The following CNTNAP2 variants were observed in gnomAD, a reference collection of about 807,000 sequenced individuals.
CNTNAP2 encodes contactin associated protein 2, also known as contactin-associated protein-like 2.
Under a neutral mutation model 155.2 loss-of-function variants are expected in CNTNAP2, and 98 were observed. That is an observed-to-expected ratio of 0.63 (90% CI 0.54 to 0.75). CNTNAP2 has a LOEUF of 0.75. CNTNAP2 is among the 30% of genes least tolerant of loss of function. The probability of loss-of-function intolerance (pLI) is 0.00; values close to 1 mark genes in which losing one functional copy is unlikely to be tolerated. For synonymous variants in CNTNAP2, 651 were observed against 631.2 expected (o/e 1.03, Z -0.47); for missense variants, 1,727 against 1,688.1 (o/e 1.02, Z -0.40).
chr7:147,941,517 C>A (rs908134497), intron 14 of CNTNAP2, among the ~76,000 whole-genome samples: 1 of 152,140 alleles, frequency 6.6e-6, no homozygotes, highest in African/African-American at 2.4e-5. Context: ...ACTGCTTCTC[C>A]CTGGAGAGCT....
chr7:147,753,930 A>T (rs1403065082), intron 13 of CNTNAP2, among the ~76,000 whole-genome samples: 2 of 152,214 alleles, frequency 1.3e-5, no homozygotes, highest in South Asian at 4.1e-4. Flanking sequence ...AATAGGAAAC[A>T]TAACATCAGT....
intron 14 of CNTNAP2, among the ~76,000 whole-genome samples, chr7:147,938,613 T>G (rs1209120025): frequency 6.6e-6 from 1 of 152,196 alleles, no homozygotes; most frequent in Non-Finnish European, 1.5e-5. Context: ...AGATAATACC[T>G]TTATGATATC....
intron 12 of CNTNAP2, among the ~76,000 whole-genome samples, chr7:147,621,733 AC>A (rs890162537): frequency 3.0e-4 from 46 of 152,170 alleles, no homozygotes; most frequent in Admixed American, 1.1e-3. Context: ...AGACAAAAAA[AC>A]AACCAGAAAA....
At chr7:147,271,639 G>A (rs1804756107) in intron 8 of CNTNAP2, among the ~76,000 whole-genome samples, 1 of 152,148 alleles carries the variant, frequency 6.6e-6, no homozygotes, top group Non-Finnish European at 1.5e-5. Context: ...TGTCTGACAT[G>A]GTGGCAGGGA....
At chr7:147,367,762 G>T (rs1248598153) in intron 9 of CNTNAP2, among the ~76,000 whole-genome samples, 1 of 151,930 alleles carries the variant, frequency 6.6e-6, no homozygotes, top group Admixed American at 6.6e-5. Context: ...GGCAAACACT[G>T]GTTAAACAAT....
intron 3 of CNTNAP2, among the ~76,000 whole-genome samples, chr7:146,871,622 T>A: frequency 6.6e-6 from 1 of 151,974 alleles, no homozygotes; most frequent in Non-Finnish European, 1.5e-5. Context: ...AAGAGTAAAT[T>A]ACAAATAACA....
chr7:147,338,866 T>C (rs1795707913), intron 9 of CNTNAP2, among the ~76,000 whole-genome samples: 1 of 151,204 alleles, frequency 6.6e-6, no homozygotes, highest in Admixed American at 6.6e-5. Context: ...AAAATGGGGG[T>C]CTTGAAGAGG....
intron 15 of CNTNAP2, among the ~76,000 whole-genome samples, chr7:148,028,036 C>T (rs1232605930): frequency 6.6e-6 from 1 of 152,198 alleles, no homozygotes; most frequent in East Asian, 1.9e-4. Flanking sequence ...TTCCTTCATA[C>T]TCATAAACAT....
At chr7:146,772,296 C>T (rs1403860415) in intron 1 of CNTNAP2, among the ~76,000 whole-genome samples, 2 of 151,888 alleles carry the variant, frequency 1.3e-5, no homozygotes, top group African/African-American at 4.8e-5. Flanking sequence ...TGAGCAGAGA[C>T]CTGTGACAAG....
intron 2 of CNTNAP2, among the ~76,000 whole-genome samples, chr7:146,786,190 A>G (rs961496462): frequency 9.2e-5 from 14 of 152,212 alleles, no homozygotes; most frequent in African/African-American, 3.4e-4. Flanking sequence ...GTATTTTTCA[A>G]TATCTACTCT....
chr7:147,719,957 G>T (rs1240507794), intron 13 of CNTNAP2, among the ~76,000 whole-genome samples: 1 of 151,772 alleles, frequency 6.6e-6, no homozygotes, highest in Non-Finnish European at 1.5e-5. Context: ...ATATGTTCCC[G>T]CCTTGTAACA....
intron 1 of CNTNAP2, among the ~76,000 whole-genome samples, chr7:146,169,767 GT>G (rs1798362374): frequency 6.7e-6 from 1 of 150,268 alleles, no homozygotes; most frequent in Non-Finnish European, 1.5e-5. Context: ...TATATTCCAG[GT>G]TCATCCATGT....
chr7:147,461,237 T>G (rs909519084), intron 10 of CNTNAP2, among the ~76,000 whole-genome samples: 2 of 152,192 alleles, frequency 1.3e-5, no homozygotes, highest in Non-Finnish European at 2.9e-5. Context: ...CAAGTTTAGA[T>G]TTCAGTAATT....
At chr7:147,049,780 G>A (rs13240988) in intron 4 of CNTNAP2, among the ~76,000 whole-genome samples, 3 of 152,166 alleles carry the variant, frequency 2.0e-5, no homozygotes, top group East Asian at 1.9e-4. Flanking sequence ...GAGAGAGAGA[G>A]AAATCACAAT....
chr7:147,890,439 C>T (rs1483771253), intron 13 of CNTNAP2, among the ~76,000 whole-genome samples: 1 of 152,070 alleles, frequency 6.6e-6, no homozygotes, highest in African/African-American at 2.4e-5. Flanking sequence ...ATAGAAGTTC[C>T]TCAAAAAATA....
intron 10 of CNTNAP2, among the ~76,000 whole-genome samples, chr7:147,414,941 C>CAAAAAAAAAAAAAAAA (rs67048724): frequency 4.5e-4 from 23 of 50,932 alleles, no homozygotes; most frequent in South Asian, 1.2e-3. Context: ...GACTCCTTCT[C>CAAAAAAAAAAAAAAAA]AAAAAAAAAA....
chr7:147,711,405 A>T (rs959148443), intron 13 of CNTNAP2, among the ~76,000 whole-genome samples: 5 of 152,106 alleles, frequency 3.3e-5, no homozygotes, highest in African/African-American at 1.2e-4. Context: ...CTAAAATTGG[A>T]CTCTGCTGTA....
intron 10 of CNTNAP2, among the ~76,000 whole-genome samples, chr7:147,473,197 G>T (rs144381982): frequency 3.9e-5 from 6 of 152,352 alleles, no homozygotes; most frequent in African/African-American, 7.2e-5. Flanking sequence ...GCTTGCTTCA[G>T]TGAATCTTTC....
chr7:146,573,346 T>G (rs1180836696), intron 1 of CNTNAP2, among the ~76,000 whole-genome samples: 1 of 152,104 alleles, frequency 6.6e-6, no homozygotes, highest in African/African-American at 2.4e-5. Flanking sequence ...TTTCACCACG[T>G]TGGCCAGGAT....
Sources: allele counts gnomAD v4.1 joint callset (sites outside exome capture counted in the v4.1 genomes callset), GRCh38; gene constraint gnomAD v4.1.1; transcripts MANE v1.5; gene names NCBI Gene and HGNC (gene_info 2026-07-23, HGNC 2026-07-21).